HEATR5B: variants seen among roughly 807,000 people sequenced by gnomAD.
HEATR5B encodes HEAT repeat containing 5B.
HEATR5B carries 156 observed loss-of-function variants against 224.1 expected under a neutral mutation model. The observed-to-expected ratio is 0.70, with a 90% CI of 0.61 to 0.80. The LOEUF (loss-of-function observed/expected upper bound fraction) is 0.80, where lower values mean the gene tolerates loss of function less well. Ranked by LOEUF, HEATR5B falls within the 30% of genes least tolerant of loss-of-function variation. HEATR5B has a pLI of 0.00. For synonymous variants in HEATR5B, 1,027 were observed against 893.0 expected (o/e 1.15, Z -2.68); for missense variants, 2,323 against 2,535.5 (o/e 0.92, Z 1.80).
chr2:37,072,006 A>G (rs1671938216), intron 6 of HEATR5B, 104 bp downstream of exon 6: 2 of 925,474 alleles, frequency 2.2e-6, no homozygotes, highest in African/African-American at 1.7e-5. Flanking sequence ...TTTATGGAAA[A>G]GTAGACAAAG....
chr2:37,056,653 T>C (rs1217103494), intron 15 of HEATR5B, 38 bp from the exon 16 acceptor site: 1 of 1,529,590 alleles, frequency 6.5e-7, no homozygotes, highest in South Asian at 1.2e-5. Context: ...CAAAATCTAC[T>C]TTAGGAAATC....
At chr2:37,005,146 G>A (rs541835487) in intron 30 of HEATR5B, among the ~76,000 whole-genome samples, 1 of 152,038 alleles carries the variant, frequency 6.6e-6, no homozygotes, top group East Asian at 1.9e-4. Flanking sequence ...CATTCATATC[G>A]GCCATAGTAA....
At chr2:37,011,340 A>G (rs897605633) in intron 27 of HEATR5B, among the ~76,000 whole-genome samples, 3 of 152,220 alleles carry the variant, frequency 2.0e-5, no homozygotes, top group African/African-American at 7.2e-5. Context: ...AATTTCTCAT[A>G]TAGACGGAGC....
At chr2:37,062,268 A>C (rs1671328855) in intron 10 of HEATR5B, among the ~76,000 whole-genome samples, 1 of 152,042 alleles carries the variant, frequency 6.6e-6, no homozygotes, top group Non-Finnish European at 1.5e-5. Context: ...CTCTACCAAA[A>C]AATACAAAAA....
intron 33 of HEATR5B, among the ~76,000 whole-genome samples, chr2:36,993,312 G>A (rs1666462364): frequency 6.6e-6 from 1 of 152,036 alleles, no homozygotes; most frequent in Non-Finnish European, 1.5e-5. Flanking sequence ...CGAGGTTGGG[G>A]GATCACCTCA....
chr2:37,082,940 C>A (rs1672700860), intron 2 of HEATR5B, among the ~76,000 whole-genome samples: 1 of 151,830 alleles, frequency 6.6e-6, no homozygotes, highest in Non-Finnish European at 1.5e-5. Context: ...AAAAAAAGAG[C>A]CTATTATTGA....
intron 22 of HEATR5B, 59 bp from the exon 23 acceptor site, chr2:37,028,979 C>A: frequency 6.5e-7 from 1 of 1,537,256 alleles, no homozygotes. Flanking sequence ...CTATAGGTAA[C>A]AATTATGATA....
rs1558381051 is a variant in HEATR5B at position 37,075,424 on chromosome 2, CGTT to C, written c.597+58_597+60del. On this transcript the variant is annotated intron_variant, in intron 5 of 35. Coordinates refer to ENST00000233099, the MANE Select transcript of HEATR5B (RefSeq NM_019024.3). ...TTAAAATTTTAAAAGAAAAAAAAAT[CGTT>C]GACTGTTTAAGAGCAAGAAGGATAA... is the stretch of plus-strand genomic sequence containing the variant. 41 of 1,283,604 alleles carry C rather than the reference CGTT, an allele frequency of 3.2e-5. No individual in the cohort carries two copies. The East Asian group carries it at 9.7e-4, about 30-fold the overall frequency. 79.5% of individuals were successfully genotyped at this position (1,283,604 alleles called of 1,614,324 possible).
chr2:36,990,374 A>C (rs781018172), intron 34 of HEATR5B, among the ~76,000 whole-genome samples: 2 of 152,354 alleles, frequency 1.3e-5, no homozygotes, highest in East Asian at 3.9e-4. Context: ...ATTTAAATAA[A>C]CACTGGAAAA....
Position 36,990,652 on chromosome 2 carries a change from G to A in HEATR5B, c.5693C>T (p.Pro1898Leu). ...RFKNALNSCDPWVQAKCYQLL... is the reference protein window; with the variant it reads ...RFKNALNSCDLWVQAKCYQLL... The stretch of plus-strand genomic sequence containing the variant: ...TCTGTGTAACGTGTAACTTACCCAT[G>A]GGTCGCATGAATTTAATGCATTTTT... The change falls in exon 34 of 36, where the codon CCA (proline) becomes CTA (leucine). Residue 1898 changes from proline to leucine, a missense_variant. Around this residue, in one of 12 missense-constraint regions of HEATR5B, gnomAD observed 844 missense variants for 812.9 expected, o/e 1.04. Coordinates refer to ENST00000233099, the MANE Select transcript of HEATR5B (RefSeq NM_019024.3). 2 of 1,582,128 alleles carry A rather than the reference G, an allele frequency of 1.3e-6. No individual in the cohort carries two copies. Among genetic ancestry groups the A allele is most frequent in the Non-Finnish European group, 1.7e-6 (2 of 1,163,270 alleles).
chr2:36,988,890 A>T (rs772656351), intron 34 of HEATR5B, 31 bp from the exon 35 acceptor site: 12 of 1,495,224 alleles, frequency 8.0e-6, no homozygotes, highest in Non-Finnish European at 1.0e-5. Context: ...ATCAATTAAC[A>T]TGTGTATAGT....
chr2:36,983,308 T>A (rs188021678), intron 35 of HEATR5B, among the ~76,000 whole-genome samples: 95 of 150,384 alleles, frequency 6.3e-4, no homozygotes, highest in African/African-American at 2.2e-3. Flanking sequence ...GGTGGGCGGA[T>A]CCCCTGGTCA....
At chr2:37,074,148 C>A (rs1162731079) in intron 5 of HEATR5B, among the ~76,000 whole-genome samples, 2 of 151,784 alleles carry the variant, frequency 1.3e-5, no homozygotes, top group Admixed American at 1.3e-4. Context: ...GGTGAAACCC[C>A]ATCTCTACTA....
rs751661638 is a variant in HEATR5B at position 37,060,591 on chromosome 2, T to G, written c.1839A>C (p.Gly613=). The G allele has an allele frequency of 2.5e-6, 4 of 1,613,366 alleles. No individual in the cohort carries two copies. The Admixed American group carries it at 6.7e-5, about 27-fold the overall frequency. The change falls in exon 12 of 36, where the codon GGA becomes GGC. Residue 613 remains glycine (G), a synonymous_variant. Transcript: ENST00000233099. ...CCTTTCAGTTCTTACCACATAGAGC[T>G]CCAGCACGACCTTCCAAAGTTACCT... ...TWQVTLEGRA[G]ALCAMRSFVA...
chr2:37,004,956 G>A (rs192214305), intron 30 of HEATR5B, among the ~76,000 whole-genome samples: 146 of 152,056 alleles, frequency 9.6e-4, no homozygotes, highest in African/African-American at 3.1e-3. Flanking sequence ...CTACCTCTAC[G>A]GGCTGACAGA....
intron 24 of HEATR5B, 61 bp from the exon 25 acceptor site, chr2:37,020,897 A>C: frequency 1.1e-6 from 1 of 919,480 alleles, no homozygotes; most frequent in South Asian, 2.1e-5. Flanking sequence ...TAATAACATA[A>C]AAATATGAAA....
At chr2:37,059,027 TTG>T (rs754597183) in intron 12 of HEATR5B, 40 bp from the exon 13 acceptor site, 1 of 1,229,358 alleles carries the variant, frequency 8.1e-7, no homozygotes, top group African/African-American at 1.5e-5. Context: ...GGAGTAGCTT[TTG>T]TGAACATGAA....
intron 26 of HEATR5B, among the ~76,000 whole-genome samples, chr2:37,017,228 T>C (rs1323255091): frequency 6.6e-6 from 1 of 152,044 alleles, no homozygotes; most frequent in Admixed American, 6.6e-5. Context: ...CTACCAAAAA[T>C]ACAAAAATTA....
chr2:36,988,928 TCTTA>T (rs1365508659), intron 34 of HEATR5B, 69 bp from the exon 35 acceptor site: 1 of 1,144,336 alleles, frequency 8.7e-7, no homozygotes, highest in Non-Finnish European at 1.3e-6. Flanking sequence ...TCACATTGCA[TCTTA>T]CTATGTACTG....
Sources: gnomAD v4.1 joint callset for allele counts (sites outside exome capture counted in the v4.1 genomes callset) on GRCh38, gnomAD v4.1.1 for gene constraint, gnomAD v4.1.1 regional missense constraint, MANE v1.5 for transcripts, NCBI Gene and HGNC (gene_info 2026-07-23, HGNC 2026-07-21) for gene names.